LRRTM4: variants seen among roughly 807,000 people sequenced by gnomAD.
The protein encoded by LRRTM4 is leucine rich repeat transmembrane neuronal 4, also known as leucine-rich repeat transmembrane neuronal protein 4.
In LRRTM4, 25 loss-of-function variants were observed where a neutral mutation model predicts 47.6. That is an observed-to-expected ratio of 0.53 (90% CI 0.38 to 0.73). The LOEUF (loss-of-function observed/expected upper bound fraction) is 0.73. Ranked by LOEUF, LRRTM4 falls within the 30% of genes least tolerant of loss-of-function variation. LRRTM4 has a pLI of 0.00. For missense variants in LRRTM4, 638 were observed against 713.4 expected (o/e 0.89, Z 1.20); for synonymous variants, 311 against 269.5 (o/e 1.15, Z -1.51).
intron 3 of LRRTM4, among the ~76,000 whole-genome samples, chr2:76,922,263 G>A (rs1396630864): frequency 6.6e-6 from 1 of 152,070 alleles, no homozygotes; most frequent in East Asian, 1.9e-4. Flanking sequence ...CTGACTCACA[G>A]TTCTTCAGGC....
intron 3 of LRRTM4, among the ~76,000 whole-genome samples, chr2:76,911,632 G>T (rs993482428): frequency 9.9e-5 from 15 of 152,048 alleles, no homozygotes; most frequent in African/African-American, 3.1e-4. Context: ...CAGAGAGAGA[G>T]AAAAGAAAGA....
intron 3 of LRRTM4, among the ~76,000 whole-genome samples, chr2:76,919,606 C>T (rs1573313897): frequency 6.6e-6 from 1 of 152,230 alleles, no homozygotes; most frequent in East Asian, 1.9e-4. Flanking sequence ...ATTGTGAAAG[C>T]CGATACGAGC....
chr2:76,773,958 G>A (rs1673834367), intron 3 of LRRTM4, among the ~76,000 whole-genome samples: 1 of 151,802 alleles, frequency 6.6e-6, no homozygotes, highest in South Asian at 2.1e-4. Flanking sequence ...GATAATTATA[G>A]CTGTTTGAGA....
chr2:76,910,089 A>G (rs1673995848), intron 3 of LRRTM4, among the ~76,000 whole-genome samples: 1 of 152,150 alleles, frequency 6.6e-6, no homozygotes, highest in African/African-American at 2.4e-5. Flanking sequence ...AAGACTTGGA[A>G]CCAACCCAAA....
chr2:77,052,044 A>G (rs1679450360), intron 3 of LRRTM4, among the ~76,000 whole-genome samples: 1 of 152,054 alleles, frequency 6.6e-6, no homozygotes. Context: ...TTGTGTCTGA[A>G]GACATTTTGA....
At chr2:77,298,846 A>T (rs1320196384) in intron 3 of LRRTM4, among the ~76,000 whole-genome samples, 2 of 152,186 alleles carry the variant, frequency 1.3e-5, no homozygotes, top group African/African-American at 4.8e-5. Context: ...ATTCTCCAAT[A>T]CAAAATTGAA....
chr2:77,066,251 C>T lies in LRRTM4; in HGVS notation c.1552-317335G>A, dbSNP rs575327541. Among the ~76,000 whole-genome samples, 739 of 152,250 alleles carry T rather than the reference C, an allele frequency of 4.9e-3. 3 individuals carry two copies. The highest frequency in any genetic ancestry group is 9.3e-3 in the Non-Finnish European group (634 of 68,014). On this transcript the variant is annotated intron_variant, in intron 3 of 3. Transcript: ENST00000409884. ...ATAGTACGTAGGTTTTTATGTGTCT[C>T]AGTTCTTCATCTATAAAACTGGGTT...
chr2:77,506,076 A>G (rs1209627544), intron 3 of LRRTM4, among the ~76,000 whole-genome samples: 4 of 151,724 alleles, frequency 2.6e-5, no homozygotes, highest in Non-Finnish European at 5.9e-5. Flanking sequence ...AACTTAAAAT[A>G]TATTGTAAAC....
chr2:77,234,103 A>T (rs1573116511), intron 3 of LRRTM4, among the ~76,000 whole-genome samples: 1 of 152,154 alleles, frequency 6.6e-6, no homozygotes, highest in African/African-American at 2.4e-5. Context: ...CTTAAAGACC[A>T]CTTTTAGAGT....
intron 3 of LRRTM4, among the ~76,000 whole-genome samples, chr2:77,360,020 A>G (rs561721891): frequency 3.9e-5 from 6 of 152,314 alleles, no homozygotes; most frequent in South Asian, 2.1e-4. Context: ...TAAAAAAAGT[A>G]TATTTGTTAA....
At chr2:77,032,249 C>T (rs1334694376) in intron 3 of LRRTM4, among the ~76,000 whole-genome samples, 2 of 152,088 alleles carry the variant, frequency 1.3e-5, no homozygotes, top group African/African-American at 4.8e-5. Context: ...CAAGTTGTTA[C>T]GTAGGTAACT....
intron 3 of LRRTM4, among the ~76,000 whole-genome samples, chr2:77,349,209 T>C (rs554428359): frequency 2.0e-5 from 3 of 152,166 alleles, no homozygotes; most frequent in Admixed American, 6.5e-5. Context: ...TTGACTTTTG[T>C]ACCTTGGCTG....
chr2:76,971,849 T>C (rs1278644576), intron 3 of LRRTM4, among the ~76,000 whole-genome samples: 3 of 151,882 alleles, frequency 2.0e-5, no homozygotes, highest in South Asian at 2.1e-4. Flanking sequence ...GGACAAAACA[T>C]AGAACAACAT....
chr2:77,416,703 G>A (rs1405161249), intron 3 of LRRTM4, among the ~76,000 whole-genome samples: 1 of 151,452 alleles, frequency 6.6e-6, no homozygotes, highest in African/African-American at 2.4e-5. Flanking sequence ...GGCATCCCAT[G>A]TTTAATAAAA....
intron 3 of LRRTM4, among the ~76,000 whole-genome samples, chr2:76,907,267 C>A (rs887512261): frequency 2.9e-4 from 30 of 104,340 alleles, no homozygotes; most frequent in African/African-American, 9.4e-4. Context: ...GAAATGAAGG[C>A]AGAAATAAAG....
At chr2:77,049,334 G>C (rs895051535) in intron 3 of LRRTM4, among the ~76,000 whole-genome samples, 8 of 151,072 alleles carry the variant, frequency 5.3e-5, no homozygotes, top group African/African-American at 1.9e-4. Flanking sequence ...ATCCAGTGGT[G>C]AGACTGTTGG....
At chr2:77,076,637 C>T (rs1035018886) in intron 3 of LRRTM4, among the ~76,000 whole-genome samples, 2 of 152,120 alleles carry the variant, frequency 1.3e-5, no homozygotes, top group African/African-American at 2.4e-5. Flanking sequence ...GTTAATGTCA[C>T]TGAATGTATA....
chr2:77,425,841 C>T (rs1191647994), intron 3 of LRRTM4, among the ~76,000 whole-genome samples: 5 of 151,914 alleles, frequency 3.3e-5, no homozygotes, highest in African/African-American at 7.3e-5. Context: ...CCTGGCCAGG[C>T]GTGGGAGCTC....
chr2:77,103,551 T>C (rs991552108), intron 3 of LRRTM4, among the ~76,000 whole-genome samples: 1 of 151,806 alleles, frequency 6.6e-6, no homozygotes, highest in Non-Finnish European at 1.5e-5. Context: ...ACCAATATCC[T>C]CTTAGAAATA....
Sources: allele counts gnomAD v4.1 joint callset (sites outside exome capture counted in the v4.1 genomes callset), GRCh38; gene constraint gnomAD v4.1.1; transcripts MANE v1.5; gene names NCBI Gene and HGNC (gene_info 2026-07-23, HGNC 2026-07-21).